The following HEMK2 variants were observed in gnomAD, a reference collection of about 807,000 sequenced individuals.
The protein encoded by HEMK2 is methyltransferase HEMK2.
the HEMK2 span, among the ~76,000 whole-genome samples, chr21:28,592,597 C>T: frequency 4.6e-5 from 7 of 152,344 alleles, no homozygotes; most frequent in South Asian, 2.1e-4. Context: ...CTGGAGGAAA[C>T]ATTTTTAAAA....
At chr21:28,823,115 C>G in the HEMK2 span, among the ~76,000 whole-genome samples, 3 of 152,172 alleles carry the variant, frequency 2.0e-5, no homozygotes, top group African/African-American at 7.2e-5. Context: ...GTGAACAGGG[C>G]AGCAGGGTTA....
chr21:28,765,822 T>C, the HEMK2 span, among the ~76,000 whole-genome samples: 151 of 152,184 alleles, frequency 9.9e-4, 1 homozygote, highest in African/African-American at 3.5e-3. Context: ...GAAAGCCAAG[T>C]GTGAGTAATG....
chr21:28,656,794 C>G, the HEMK2 span, among the ~76,000 whole-genome samples: 46 of 152,180 alleles, frequency 3.0e-4, no homozygotes, highest in African/African-American at 1.1e-3. Flanking sequence ...CAATATAGTA[C>G]AAGGACTTAA....
chr21:28,717,073 A>G, the HEMK2 span, among the ~76,000 whole-genome samples: 2 of 152,074 alleles, frequency 1.3e-5, no homozygotes, highest in East Asian at 3.9e-4. Context: ...ATCGGCCTGT[A>G]GTTTTCTTTT....
chr21:28,721,701 GT>G, the HEMK2 span, among the ~76,000 whole-genome samples: 13 of 151,970 alleles, frequency 8.6e-5, no homozygotes, highest in African/African-American at 2.9e-4. Context: ...ACTGTTCTAA[GT>G]ACTTTACATA....
chr21:28,877,510 C>G, the HEMK2 span, among the ~76,000 whole-genome samples: 2 of 119,298 alleles, frequency 1.7e-5, no homozygotes. Flanking sequence ...CAAAGATGGA[C>G]AGAAGGAAAA....
At chr21:28,635,906 A>G in the HEMK2 span, among the ~76,000 whole-genome samples, 386 of 152,248 alleles carry the variant, frequency 2.5e-3, 2 homozygotes, top group African/African-American at 8.6e-3. Flanking sequence ...GAGGAATAGA[A>G]TATTTTATTT....
the HEMK2 span, among the ~76,000 whole-genome samples, chr21:28,747,984 G>A: frequency 6.6e-6 from 1 of 152,230 alleles, no homozygotes; most frequent in Non-Finnish European, 1.5e-5. Context: ...GATGCAGCTG[G>A]AGGCATTTCC....
At chr21:28,756,704 T>C in the HEMK2 span, among the ~76,000 whole-genome samples, 3 of 152,210 alleles carry the variant, frequency 2.0e-5, no homozygotes, top group Non-Finnish European at 2.9e-5. Flanking sequence ...TTTGTCCTTC[T>C]AGGGTAAAAC....
the HEMK2 span, among the ~76,000 whole-genome samples, chr21:28,582,737 T>C: frequency 1.3e-5 from 2 of 152,218 alleles, no homozygotes; most frequent in South Asian, 2.1e-4. Flanking sequence ...ATTATTGATA[T>C]CTTATAAACA....
At chr21:28,755,909 CTAGAAA>C in the HEMK2 span, among the ~76,000 whole-genome samples, 1 of 152,160 alleles carries the variant, frequency 6.6e-6, no homozygotes, top group Non-Finnish European at 1.5e-5. Flanking sequence ...CGAAGAAGAG[CTAGAAA>C]TAAAGGATAT....
chr21:28,660,754 T>G, the HEMK2 span, among the ~76,000 whole-genome samples: 3 of 151,994 alleles, frequency 2.0e-5, 1 homozygote, highest in South Asian at 6.2e-4. Context: ...GAGAACATCA[T>G]AAAATGAGAT....
At chr21:28,610,945 T>G in the HEMK2 span, among the ~76,000 whole-genome samples, 2 of 152,070 alleles carry the variant, frequency 1.3e-5, no homozygotes, top group African/African-American at 4.8e-5. Context: ...CACACAATAA[T>G]AGTGTGGGAA....
the HEMK2 span, among the ~76,000 whole-genome samples, chr21:28,845,987 CTTCT>C: frequency 2.0e-5 from 3 of 152,142 alleles, no homozygotes; most frequent in Non-Finnish European, 2.9e-5. Flanking sequence ...TTATTGTTCC[CTTCT>C]TTGTGTCCAT....
the HEMK2 span, among the ~76,000 whole-genome samples, chr21:28,679,492 G>A: frequency 1.3e-5 from 2 of 152,032 alleles, no homozygotes; most frequent in Non-Finnish European, 2.9e-5. Flanking sequence ...ACAGATCAAC[G>A]AGACAGACAG....
chr21:28,653,408 C>T, the HEMK2 span, among the ~76,000 whole-genome samples: 2 of 152,106 alleles, frequency 1.3e-5, no homozygotes, highest in South Asian at 4.1e-4. Context: ...CACTAGACTC[C>T]AACTAAACTG....
the HEMK2 span, among the ~76,000 whole-genome samples, chr21:28,601,124 C>T: frequency 6.6e-6 from 1 of 152,190 alleles, no homozygotes; most frequent in Non-Finnish European, 1.5e-5. Context: ...CCACCGGTAT[C>T]GTGTGCCTGG....
chr21:28,659,764 C>A, the HEMK2 span, among the ~76,000 whole-genome samples: 382 of 152,150 alleles, frequency 2.5e-3, 2 homozygotes, highest in African/African-American at 8.7e-3. Context: ...GTCCTCTAAC[C>A]TAGTTATTCA....
chr21:28,627,636 G>C, the HEMK2 span, among the ~76,000 whole-genome samples: 1 of 152,114 alleles, frequency 6.6e-6, no homozygotes, highest in Non-Finnish European at 1.5e-5. Flanking sequence ...TATGTATAAA[G>C]ATTTGTGTAT....
Sources: allele counts gnomAD v4.1 joint callset (sites outside exome capture counted in the v4.1 genomes callset), GRCh38; gene constraint gnomAD v4.1.1; transcripts MANE v1.5; gene names NCBI Gene and HGNC (gene_info 2026-07-23, HGNC 2026-07-21).